Variants in SUMF1 observed in about 807,000 individuals in gnomAD.
SUMF1 encodes formylglycine-generating enzyme.
A neutral mutation model predicts 47.6 loss-of-function variants in SUMF1; 48 were observed. The observed-to-expected ratio is 1.01, with a 90% CI of 0.80 to 1.28. The LOEUF is 1.28. SUMF1 is among the 50% of genes most tolerant of loss of function. The pLI is 0.00. For missense variants in SUMF1, 571 were observed against 485.4 expected, an observed-to-expected ratio of 1.18 and a Z score of -1.66; for synonymous variants, 230 against 192.1, an observed-to-expected ratio of 1.20 and a Z score of -1.63.
intron 8 of SUMF1, among the ~76,000 whole-genome samples, chr3:4,262,948 C>A (rs1042475890): frequency 4.6e-5 from 7 of 152,166 alleles, no homozygotes; most frequent in Admixed American, 2.6e-4. Flanking sequence ...ATGCCCTAAC[C>A]TAGGGCCAGA....
intron 6 of SUMF1, among the ~76,000 whole-genome samples, chr3:4,414,155 G>A (rs574322485): frequency 1.1e-3 from 164 of 152,210 alleles, no homozygotes; most frequent in Non-Finnish European, 1.8e-3. Flanking sequence ...ATGAGCCACC[G>A]CACCTGGCCC....
intron 8 of SUMF1, among the ~76,000 whole-genome samples, chr3:4,128,240 A>G (rs542799243): frequency 6.6e-6 from 1 of 152,298 alleles, no homozygotes; most frequent in South Asian, 2.1e-4. Context: ...ACCTGCAACA[A>G]AAGTTGCACG....
intron 8 of SUMF1, among the ~76,000 whole-genome samples, chr3:4,123,993 A>G (rs1351539937): frequency 6.6e-6 from 1 of 152,092 alleles, no homozygotes; most frequent in Non-Finnish European, 1.5e-5. Context: ...TTTCAGATTC[A>G]GCTCCTTTTC....
intron 8 of SUMF1, among the ~76,000 whole-genome samples, chr3:4,354,515 G>A (rs1466122136): frequency 6.6e-6 from 1 of 152,200 alleles, no homozygotes; most frequent in Non-Finnish European, 1.5e-5. Flanking sequence ...GCGATAACCA[G>A]GTCTCACTTT....
In SUMF1 at chr3:4,081,970, TGTAAGG is replaced by T. The variant is rs1394606598; in HGVS notation, c.1015-13231_1015-13226del. Among the ~76,000 whole-genome samples, 9 of 152,216 alleles carry T rather than the reference TGTAAGG, an allele frequency of 5.9e-5. 1 individual carries two copies. In the South Asian group the frequency reaches 1.9e-3, roughly 32 times the overall value. ...AAAGCCTTAACACAATAACTTTAAG[TGTAAGG>T]GTATAAGTCTTTGCCTACAGTTCTC... On this transcript the variant is annotated intron_variant and NMD_transcript_variant, in intron 8 of 12. Transcript: ENST00000448413.
At chr3:4,327,686 G>C (rs1311946175) in intron 8 of SUMF1, among the ~76,000 whole-genome samples, 1 of 151,982 alleles carries the variant, frequency 6.6e-6, no homozygotes, top group Non-Finnish European at 1.5e-5. Context: ...TTTCATATTT[G>C]ACATCTCTTG....
At chr3:4,341,554 T>A (rs1045661315) in intron 8 of SUMF1, among the ~76,000 whole-genome samples, 27 of 152,304 alleles carry the variant, frequency 1.8e-4, no homozygotes, top group Middle Eastern at 3.4e-3. Context: ...CATCTTTTTT[T>A]AAAAAAATTC....
In SUMF1 at chr3:4,070,476, G is replaced by A. The variant is rs571651272; in HGVS notation, c.1015-1731C>T. Reference sequence around the variant, plus strand: ...CAGCATGAAGTCATTCTTTCTAAGAGACACACCATTCTAAGAAACATGAAC... The same window carrying A: ...CAGCATGAAGTCATTCTTTCTAAGAAACACACCATTCTAAGAAACATGAAC... On this transcript the variant is annotated intron_variant and NMD_transcript_variant, in intron 8 of 12. Coordinates refer to the SUMF1 transcript ENST00000448413. 1.7e-4 allele frequency among the ~76,000 whole-genome samples: 26 copies of A among 152,270 alleles called. No individual in the cohort carries two copies. In the East Asian group the frequency reaches 5.0e-3, roughly 29 times the overall value.
At chr3:4,040,121 T>C (rs1280229758) in intron 9 of SUMF1, among the ~76,000 whole-genome samples, 1 of 152,200 alleles carries the variant, frequency 6.6e-6, no homozygotes, top group Non-Finnish European at 1.5e-5. Flanking sequence ...GTGATAGATA[T>C]GTTGATTAGC....
intron 8 of SUMF1, among the ~76,000 whole-genome samples, chr3:4,213,959 TG>T (rs1291064856): frequency 6.6e-6 from 1 of 152,138 alleles, no homozygotes; most frequent in African/African-American, 2.4e-5. Flanking sequence ...ACGATAATGA[TG>T]GGAGACTTAA....
chr3:4,419,986 C>A, intron 4 of SUMF1, 78 bp downstream of exon 4: 1 of 1,169,258 alleles, frequency 8.6e-7, no homozygotes, highest in Non-Finnish European at 1.3e-6. Flanking sequence ...AAGATGCCCA[C>A]TGAGTTCTTT....
intron 8 of SUMF1, among the ~76,000 whole-genome samples, chr3:4,104,231 G>A (rs2686712): frequency 0.026 from 4,016 of 152,116 alleles, 79 homozygotes; most frequent in Non-Finnish European, 0.043. Flanking sequence ...TTTATAAGGA[G>A]TTTCCCCTTA....
intron 8 of SUMF1, chr3:4,303,742 C>T: frequency 6.7e-7 from 1 of 1,490,974 alleles, no homozygotes; most frequent in Non-Finnish European, 9.0e-7. Flanking sequence ...CTTTTCAGTC[C>T]ATTCCCTGAA....
chr3:4,456,860 ATGTGT>A (rs1223495381), intron 1 of SUMF1, among the ~76,000 whole-genome samples: 422 of 74,912 alleles, frequency 5.6e-3, no homozygotes, highest in Middle Eastern at 0.018. Context: ...GTGTATATAT[ATGTGT>A]GTGTATATCT....
At chr3:4,336,988 A>G (rs1699165755) in intron 8 of SUMF1, among the ~76,000 whole-genome samples, 2 of 152,188 alleles carry the variant, frequency 1.3e-5, no homozygotes, top group Admixed American at 1.3e-4. Flanking sequence ...TGCTGATCCC[A>G]CGAATTCCAA....
At chr3:4,177,753 C>T (rs1694998937) in intron 8 of SUMF1, among the ~76,000 whole-genome samples, 1 of 151,988 alleles carries the variant, frequency 6.6e-6, no homozygotes, top group Non-Finnish European at 1.5e-5. Context: ...AATCCAGGAG[C>T]TGGTTTTTTG....
intron 8 of SUMF1, among the ~76,000 whole-genome samples, chr3:4,270,321 G>C (rs942954009): frequency 6.6e-6 from 1 of 151,996 alleles, no homozygotes; most frequent in African/African-American, 2.4e-5. Context: ...CAAACAGGGA[G>C]ATCAAGAGAG....
chr3:4,443,298 T>C (rs548141154), intron 3 of SUMF1, among the ~76,000 whole-genome samples: 5 of 151,392 alleles, frequency 3.3e-5, no homozygotes, highest in Admixed American at 6.6e-5. Flanking sequence ...ATTTAAAAAA[T>C]GAGGTAAATG....
At chr3:4,276,223 A>T (rs1341694546) in intron 8 of SUMF1, among the ~76,000 whole-genome samples, 1 of 152,170 alleles carries the variant, frequency 6.6e-6, no homozygotes, top group Non-Finnish European at 1.5e-5. Flanking sequence ...TGCTGTGGGA[A>T]TGGACAGATA....
Sources: gnomAD v4.1 joint callset for allele counts (sites outside exome capture counted in the v4.1 genomes callset) on GRCh38, gnomAD v4.1.1 for gene constraint, MANE v1.5 for transcripts, NCBI Gene and HGNC (gene_info 2026-07-23, HGNC 2026-07-21) for gene names.